The following KCNAB1 variants were observed in gnomAD, a reference collection of about 807,000 sequenced individuals.
The protein encoded by KCNAB1 is potassium voltage-gated channel subfamily A regulatory beta subunit 1.
A neutral mutation model predicts 64.6 loss-of-function variants in KCNAB1; 35 were observed. The observed-to-expected ratio is 0.54, with a 90% CI of 0.41 to 0.72. KCNAB1 has a LOEUF of 0.72. Ranked by LOEUF, KCNAB1 falls within the 30% of genes least tolerant of loss-of-function variation. The probability of loss-of-function intolerance (pLI) is 0.00; values close to 1 mark genes in which losing one functional copy is unlikely to be tolerated. For missense variants in KCNAB1, 401 were observed against 512.9 expected (o/e 0.78, Z 2.11); for synonymous variants, 177 against 183.8 (o/e 0.96, Z 0.30).
intron 1 of KCNAB1, among the ~76,000 whole-genome samples, chr3:156,304,150 T>A (rs959840851): frequency 3.3e-5 from 5 of 152,242 alleles, no homozygotes; most frequent in African/African-American, 1.2e-4. Context: ...TTAGTATTCA[T>A]GTTAAGGATA....
intron 1 of KCNAB1, among the ~76,000 whole-genome samples, chr3:156,340,750 C>G (rs1724049669): frequency 6.6e-6 from 1 of 152,224 alleles, no homozygotes. Context: ...ACAGATTGGT[C>G]AAGTCAGTGT....
chr3:156,287,272 T>A (rs1368994923), intron 1 of KCNAB1, among the ~76,000 whole-genome samples: 1 of 147,278 alleles, frequency 6.8e-6, no homozygotes, highest in Non-Finnish European at 1.5e-5. Context: ...ACATAACAAA[T>A]AGGGACCAGC....
chr3:156,520,966 G>A (rs1212558275), intron 11 of KCNAB1, among the ~76,000 whole-genome samples: 1 of 152,200 alleles, frequency 6.6e-6, no homozygotes, highest in Non-Finnish European at 1.5e-5. Flanking sequence ...TCTGGGGCAA[G>A]TCTCACAGAC....
intron 1 of KCNAB1, among the ~76,000 whole-genome samples, chr3:156,329,408 G>A (rs1723186543): frequency 6.6e-6 from 1 of 152,130 alleles, no homozygotes; most frequent in Admixed American, 6.5e-5. Flanking sequence ...CCAAGAAAAG[G>A]ATGGAAATCT....
chr3:156,137,397 T>C (rs901657426), intron 1 of KCNAB1, among the ~76,000 whole-genome samples: 3 of 152,110 alleles, frequency 2.0e-5, no homozygotes, highest in Admixed American at 1.3e-4. Context: ...CCATGCACTG[T>C]AACATGCACC....
At chr3:156,352,642 C>T (rs1299462366) in intron 1 of KCNAB1, among the ~76,000 whole-genome samples, 1 of 152,200 alleles carries the variant, frequency 6.6e-6, no homozygotes, top group Non-Finnish European at 1.5e-5. Flanking sequence ...ACCAAAGTCT[C>T]CCTGTGACAT....
intron 1 of KCNAB1, among the ~76,000 whole-genome samples, chr3:156,213,420 A>T (rs1025620095): frequency 6.6e-6 from 1 of 152,076 alleles, no homozygotes; most frequent in Non-Finnish European, 1.5e-5. Context: ...CACTATGTTG[A>T]CCAGGCTGGT....
chr3:156,406,975 C>T (rs1379608155), intron 1 of KCNAB1, among the ~76,000 whole-genome samples: 1 of 152,186 alleles, frequency 6.6e-6, no homozygotes, highest in Non-Finnish European at 1.5e-5. Context: ...ACCTAATCCA[C>T]AGAGTATCAG....
intron 1 of KCNAB1, among the ~76,000 whole-genome samples, chr3:156,132,983 A>G (rs1714091339): frequency 6.6e-6 from 1 of 152,248 alleles, no homozygotes; most frequent in South Asian, 2.1e-4. Flanking sequence ...TTAAGAAAAT[A>G]TGGTTTGTAT....
intron 6 of KCNAB1, among the ~76,000 whole-genome samples, chr3:156,465,183 G>A (rs2108301652): frequency 6.6e-6 from 1 of 152,198 alleles, no homozygotes; most frequent in South Asian, 2.1e-4. Flanking sequence ...TTTTAATTTA[G>A]TTTTAAAATT....
At chr3:156,356,118 T>TAA (rs369640404) in intron 1 of KCNAB1, among the ~76,000 whole-genome samples, 51 of 88,314 alleles carry the variant, frequency 5.8e-4, no homozygotes, top group African/African-American at 1.1e-3. Flanking sequence ...TGGGACCCTG[T>TAA]AAAAAAAAAA....
chr3:156,507,085 G>A, intron 8 of KCNAB1, among the ~76,000 whole-genome samples: 1 of 152,166 alleles, frequency 6.6e-6, no homozygotes, highest in Non-Finnish European at 1.5e-5. Flanking sequence ...AATGCATTAT[G>A]CAAAGAACCT....
chr3:156,144,684 A>G (rs1714935308), intron 1 of KCNAB1, among the ~76,000 whole-genome samples: 1 of 152,180 alleles, frequency 6.6e-6, no homozygotes. Context: ...CTCGACCCTC[A>G]GTGGTGGTAG....
At chr3:156,118,919 T>C (rs188547783), upstream of KCNAB1, among the ~76,000 whole-genome samples, 1 of 152,228 alleles carries the variant, frequency 6.6e-6, no homozygotes, top group African/African-American at 2.4e-5. Context: ...AAGAGAGTAG[T>C]TGAAGAGGCT....
chr3:156,152,836 G>A (rs1305794666), intron 1 of KCNAB1, among the ~76,000 whole-genome samples: 1 of 152,222 alleles, frequency 6.6e-6, no homozygotes, highest in African/African-American at 2.4e-5. Flanking sequence ...TTCCAGAGAT[G>A]ACCATTGTAT....
rs531552782 is a variant in KCNAB1 at position 156,385,943 on chromosome 3, T to C, written c.276-35673T>C. ...TAGGTCAAAGAAATTGTATGGCTCT[T>C]CTTATCGCCCTCAAGCTTCTAAGCA... On this transcript the variant is annotated intron_variant, in intron 1 of 13. Transcript: ENST00000490337. Among the ~76,000 whole-genome samples, 8 of 152,336 alleles carry C rather than the reference T, an allele frequency of 5.3e-5. No individual in the cohort carries two copies. The East Asian group carries it at 1.5e-3, about 29-fold the overall frequency.
At chr3:156,241,378 G>A (rs919442091) in intron 1 of KCNAB1, among the ~76,000 whole-genome samples, 10 of 152,034 alleles carry the variant, frequency 6.6e-5, no homozygotes, top group African/African-American at 2.4e-4. Flanking sequence ...CTTTTTCTTA[G>A]AGCCATCCTT....
intron 13 of KCNAB1, among the ~76,000 whole-genome samples, chr3:156,533,224 C>G (rs536433775): frequency 6.6e-6 from 1 of 152,254 alleles, no homozygotes; most frequent in South Asian, 2.1e-4. Context: ...ATGGGTGAGC[C>G]TACATTAAAT....
chr3:156,380,979 T>G (rs564309309), intron 1 of KCNAB1, among the ~76,000 whole-genome samples: 2 of 152,170 alleles, frequency 1.3e-5, no homozygotes, highest in Admixed American at 1.3e-4. Context: ...GAGTAGATTT[T>G]AAATGTTTTC....
Sources: allele counts gnomAD v4.1 joint callset (sites outside exome capture counted in the v4.1 genomes callset), GRCh38; gene constraint gnomAD v4.1.1; transcripts MANE v1.5; gene names NCBI Gene and HGNC (gene_info 2026-07-23, HGNC 2026-07-21).